The following SERINC3 variants were observed in gnomAD, a reference collection of about 807,000 sequenced individuals.
The protein encoded by SERINC3 is tumor differentially expressed protein 1.
Under a neutral mutation model 52.1 loss-of-function variants are expected in SERINC3, and 22 were observed. The ratio of observed to expected loss-of-function variants is 0.42; its 90% confidence interval spans 0.30 to 0.60. The LOEUF is 0.60. Ranked by LOEUF, SERINC3 falls within the 20% of genes least tolerant of loss-of-function variation. The probability of loss-of-function intolerance (pLI) is 0.16; values close to 1 mark genes in which losing one functional copy is unlikely to be tolerated. For missense variants in SERINC3, 564 were observed against 584.6 expected (o/e 0.96, Z 0.36); for synonymous variants, 226 against 212.7 (o/e 1.06, Z -0.54).
chr20:44,512,050 C>T (rs1322625134), intron 3 of SERINC3, among the ~76,000 whole-genome samples: 6 of 152,224 alleles, frequency 3.9e-5, no homozygotes, highest in Non-Finnish European at 8.8e-5. Flanking sequence ...CAGTGGCTCA[C>T]GCCTGTAAGC....
At chr20:44,519,420 G>A in intron 1 of SERINC3, 4 of 978,780 alleles carry the variant, frequency 4.1e-6, no homozygotes, top group Non-Finnish European at 4.9e-6. Flanking sequence ...ATTTTCTAAT[G>A]TGATAGAAGA....
At chr20:44,518,793 C>T (rs2064397140) in intron 1 of SERINC3, among the ~76,000 whole-genome samples, 1 of 152,002 alleles carries the variant, frequency 6.6e-6, no homozygotes, top group East Asian at 1.9e-4. Flanking sequence ...GGAGAAACCC[C>T]ATCTCTACTA....
chr20:44,504,528 C>A (rs1330005157), intron 7 of SERINC3, among the ~76,000 whole-genome samples: 1 of 152,198 alleles, frequency 6.6e-6, no homozygotes, highest in Non-Finnish European at 1.5e-5. Flanking sequence ...TTGACCACAG[C>A]TCTTAACTAG....
At chr20:44,510,065 T>C (rs755722183) in intron 4 of SERINC3, 37 bp from the exon 5 acceptor site, 16 of 1,598,420 alleles carry the variant, frequency 1.0e-5, no homozygotes, top group Middle Eastern at 1.7e-4. Flanking sequence ...TTCTCTACCA[T>C]AGAGTAACAT....
At chr20:44,509,507 T>C (rs2064334110) in intron 5 of SERINC3, among the ~76,000 whole-genome samples, 1 of 152,218 alleles carries the variant, frequency 6.6e-6, no homozygotes, top group Admixed American at 6.5e-5. Flanking sequence ...CTGGAAATTG[T>C]GGATTTTTTT....
chr20:44,518,775 A>T (rs2064396943), intron 1 of SERINC3, among the ~76,000 whole-genome samples: 1 of 152,062 alleles, frequency 6.6e-6, no homozygotes, highest in African/African-American at 2.4e-5. Context: ...GACCGGCCTG[A>T]CCAACATGGA....
At chr20:44,503,389 T>C (rs1247636948) in intron 8 of SERINC3, among the ~76,000 whole-genome samples, 1 of 152,226 alleles carries the variant, frequency 6.6e-6, no homozygotes, top group Non-Finnish European at 1.5e-5. Context: ...GGCTCACACC[T>C]GTAATCCCAG....
At chr20:44,512,333 A>C (rs1468713321) in intron 3 of SERINC3, among the ~76,000 whole-genome samples, 3 of 151,914 alleles carry the variant, frequency 2.0e-5, no homozygotes, top group African/African-American at 7.2e-5. Context: ...AACAAAAAAA[A>C]AAAAAAAAAA....
chr20:44,513,955 T>G lies in SERINC3; in HGVS notation c.125A>C (p.Tyr42Ser), dbSNP rs1414508439. The change falls in exon 2 of 10, where the codon TAT becomes TCT. Residue 42 changes from tyrosine (Y) to serine (S), a missense_variant. Coordinates refer to ENST00000342374, the MANE Select transcript of SERINC3 (RefSeq NM_006811.4). The stretch of plus-strand genomic sequence containing the variant: ...AGTGCTCAGGAGGAGAATGAAAGCA[T>G]AAATGAGGCGAGTCACCGTGGAATT... ...SKNSTVTRLI[Y>S]AFILLLSTVV... The G allele has an allele frequency of 7.4e-6, 12 of 1,614,042 alleles. No homozygotes were observed. The highest frequency in any genetic ancestry group is 1.0e-5 in the Non-Finnish European group (12 of 1,180,038).
rs1396460985 is a variant in SERINC3, at chr20:44,511,356, G to A, written c.408C>T (p.Phe136=). 1.2e-6 allele frequency: 2 copies of A among 1,610,660 alleles called. No homozygotes were observed. Among genetic ancestry groups the A allele is most frequent in the Admixed American group, 1.7e-5 (1 of 59,994 alleles). ...RAAVHNGFWF[F]KIAALIGIMV... The stretch of plus-strand genomic sequence containing the variant: ...TGATTCCAATAAGGGCAGCAATTTT[G>A]AAGAACCAAAACCTATTAAAATATA... Residue 136 remains phenylalanine, a synonymous_variant, in exon 4 of 10, where the codon TTC becomes TTT. Coordinates refer to ENST00000342374, the MANE Select transcript of SERINC3 (RefSeq NM_006811.4).
intron 3 of SERINC3, among the ~76,000 whole-genome samples, chr20:44,511,854 C>T (rs1431876663): frequency 2.0e-5 from 3 of 152,212 alleles, no homozygotes; most frequent in Non-Finnish European, 4.4e-5. Context: ...TGGAAAGAAC[C>T]AGGCTTTGGA....
intron 8 of SERINC3, among the ~76,000 whole-genome samples, chr20:44,502,164 A>C (rs1041676417): frequency 1.3e-5 from 2 of 152,278 alleles, no homozygotes; most frequent in Admixed American, 6.5e-5. Context: ...AGACTAGAAA[A>C]GAAGTAAAAC....
chr20:44,512,949 T>G lies in SERINC3; in HGVS notation c.247A>C (p.Ile83Leu), dbSNP rs756292396. The change falls in exon 3 of 10, where the codon ATA (isoleucine) becomes CTA (leucine). Residue 83 changes from isoleucine (I) to leucine (L), a missense_variant. Ile to Leu is a conservative substitution (Grantham distance 5, BLOSUM62 2). Coordinates refer to ENST00000342374, the MANE Select transcript of SERINC3 (RefSeq NM_006811.4). Reference protein sequence around the residue: ...EGGFKIHEADINADKDCDVLV... With the variant: ...EGGFKIHEADLNADKDCDVLV... Reference sequence around the variant, plus strand: ...ACATCACAATCTTTATCTGCATTTATATCAGCCTCATGGATTTTAAATCCC... The same window carrying G: ...ACATCACAATCTTTATCTGCATTTAGATCAGCCTCATGGATTTTAAATCCC... The G allele has an allele frequency of 3.3e-6, 5 of 1,524,516 alleles. No homozygotes were observed. The highest frequency in any genetic ancestry group is 4.4e-6 in the Non-Finnish European group (5 of 1,145,430). The allele number at this position is 1,524,516 out of a possible 1,614,324, so 94.4% of individuals were successfully genotyped here. A position where few individuals can be genotyped will look rare whatever the true frequency, so the allele number is the denominator to read the frequency against.
At chr20:44,508,153 A>G (rs920438216) in intron 5 of SERINC3, among the ~76,000 whole-genome samples, 1 of 152,228 alleles carries the variant, frequency 6.6e-6, no homozygotes, top group Admixed American at 6.5e-5. Context: ...TTGCAACTCA[A>G]TAAATTCTTC....
At position 44,522,009 on chromosome 20, in the gene SERINC3, C is replaced by A; in HGVS notation, c.-58G>T. ...AGGCTGCTTTCTAACACGGTGGTAA[C>A]TGCCAGCTGAGGTGACTCCCCAGAA... On this transcript the variant is annotated 5_prime_UTR_variant, in exon 1 of 10. Coordinates refer to ENST00000342374, the MANE Select transcript of SERINC3 (RefSeq NM_006811.4). 7 of 1,538,046 alleles carry A rather than the reference C, an allele frequency of 4.6e-6. No individual in the cohort carries two copies. Among genetic ancestry groups the A allele is most frequent in the Non-Finnish European group, 6.2e-6 (7 of 1,131,228 alleles).
rs2064356713 is a variant in SERINC3, at chr20:44,512,819, C to A, written c.377G>T (p.Arg126Leu). 3 of 1,575,168 alleles carry A rather than the reference C, an allele frequency of 1.9e-6. No individual in the cohort carries two copies. Among genetic ancestry groups the A allele is most frequent in the East Asian group, 2.3e-5 (1 of 42,866 alleles). Residue 126 changes from arginine (R) to leucine (L), a missense_variant, in exon 3 of 10, where the codon CGA becomes CTA. Coordinates refer to ENST00000342374, the MANE Select transcript of SERINC3 (RefSeq NM_006811.4). Reference protein sequence around the residue: ...MFKVKTSKDLRAAVHNGFWFF... With the variant: ...MFKVKTSKDLLAAVHNGFWFF... ...AACATACCCATTGTGTACTGCCGCT[C>A]GGAGATCTTTACTTGTTTTTACTTT...
intron 8 of SERINC3, among the ~76,000 whole-genome samples, chr20:44,502,313 G>A (rs139396802): frequency 5.8e-4 from 88 of 152,344 alleles, no homozygotes; most frequent in African/African-American, 2.0e-3. Flanking sequence ...AGGACTGGGT[G>A]TGGTGGCTCA....
At position 44,511,269 on chromosome 20, in the gene SERINC3, C is replaced by A. The variant is rs1163529989; in HGVS notation, c.475+20G>T. ...GAGTTTATATAGTTTAAAATTAACC[C>A]CCTCAATGGTGAACCCTACCTGAGC... On this transcript the variant is annotated intron_variant, in intron 4 of 9. Coordinates refer to ENST00000342374, the MANE Select transcript of SERINC3 (RefSeq NM_006811.4). 2.0e-6 allele frequency: 3 copies of A among 1,517,552 alleles called. No homozygotes were observed. In the African/African-American group the frequency reaches 4.1e-5, roughly 21 times the overall value. 94.0% of individuals were successfully genotyped at this position (1,517,552 alleles called of 1,614,324 possible). A position where few individuals can be genotyped will look rare whatever the true frequency, so the allele number is the denominator to read the frequency against.
At chr20:44,514,321 T>C (rs1447877538) in intron 1 of SERINC3, among the ~76,000 whole-genome samples, 2 of 152,198 alleles carry the variant, frequency 1.3e-5, no homozygotes, top group African/African-American at 2.4e-5. Context: ...AAATGAGCAC[T>C]CAACACTACC....
Sources: allele counts gnomAD v4.1 joint callset (sites outside exome capture counted in the v4.1 genomes callset), GRCh38; gene constraint gnomAD v4.1.1; transcripts MANE v1.5; gene names NCBI Gene and HGNC (gene_info 2026-07-23, HGNC 2026-07-21).